BTBD9: variants seen among roughly 807,000 people sequenced by gnomAD.
The protein encoded by BTBD9 is BTB domain containing 9, also known as BTB/POZ domain-containing protein 9.
BTBD9 carries 49 observed loss-of-function variants against 64.3 expected under a neutral mutation model. That is an observed-to-expected ratio of 0.76 (90% CI 0.61 to 0.97). The LOEUF is 0.97. Ranked by LOEUF, BTBD9 falls within the 50% of genes least tolerant of loss-of-function variation. BTBD9 has a pLI of 0.00. For synonymous variants in BTBD9, 260 were observed against 274.7 expected (o/e 0.95, Z 0.53); for missense variants, 598 against 762.1 (o/e 0.78, Z 2.53).
chr6:38,185,451 G>T (rs901499443), intron 10 of BTBD9, among the ~76,000 whole-genome samples: 1 of 152,174 alleles, frequency 6.6e-6, no homozygotes, highest in African/African-American at 2.4e-5. Flanking sequence ...GCACATTGCC[G>T]TCTATTATGC....
At position 38,251,099 on chromosome 6, in the gene BTBD9, T is replaced by A. The variant is rs201221575; in HGVS notation, c.1562+5310A>T. ...TATGTCTCAGAAAAAAAAAAAATAA[T>A]AATAATAATAATAGAGGTTTAAGTA... On this transcript the variant is annotated intron_variant, in intron 9 of 10. Coordinates refer to ENST00000481247, the MANE Select transcript of BTBD9 (RefSeq NM_001099272.2). Among the ~76,000 whole-genome samples the A allele has an allele frequency of 1.1e-3, 165 of 150,364 alleles. 3 individuals are homozygous for A. The East Asian group carries it at 0.025, about 22-fold the overall frequency.
At chr6:38,588,401 C>T in intron 4 of BTBD9, 1 of 817,952 alleles carries the variant, frequency 1.2e-6, no homozygotes, top group Non-Finnish European at 2.1e-6. Flanking sequence ...CAACCTGGGG[C>T]CTATAGACCA....
intron 10 of BTBD9, among the ~76,000 whole-genome samples, chr6:38,180,212 G>A (rs910645645): frequency 5.3e-5 from 8 of 152,244 alleles, no homozygotes; most frequent in African/African-American, 1.9e-4. Context: ...GGGGGGGCCT[G>A]TGGGTGGTCC....
rs78004174 is a variant in BTBD9, at chr6:38,503,563, C to G, written c.1154+74037G>C. Among the ~76,000 whole-genome samples the G allele has an allele frequency of 7.9e-3, 1,198 of 152,204 alleles. 24 individuals carry two copies. Among genetic ancestry groups the G allele is most frequent in the African/African-American group, 0.028 (1,146 of 41,506 alleles). On this transcript the variant is annotated intron_variant, in intron 6 of 10. Coordinates refer to ENST00000481247, the MANE Select transcript of BTBD9 (RefSeq NM_001099272.2). ...GAGGAGGCAGCTGTCCTTGTTCCCC[C>G]CTACTACTCTCAAACCACTTCATCC... is the stretch of plus-strand genomic sequence containing the variant.
rs1352671926 is a variant in BTBD9 at position 38,535,231 on chromosome 6, A to G, written c.1154+42369T>C. On this transcript the variant is annotated intron_variant, in intron 6 of 10. Coordinates refer to ENST00000481247, the MANE Select transcript of BTBD9 (RefSeq NM_001099272.2). ...CTATACACCAATGGCAAACAATCTG[A>G]AAAAGAAAGTAATCCCATTTACAAC... Among the ~76,000 whole-genome samples, 3 of 152,160 alleles carry G rather than the reference A, an allele frequency of 2.0e-5. No homozygotes were observed. The East Asian group carries it at 5.8e-4, about 29-fold the overall frequency.
intron 7 of BTBD9, among the ~76,000 whole-genome samples, chr6:38,294,455 A>G (rs9349066): frequency 0.99 from 150,373 of 152,272 alleles, 74,258 homozygotes; most frequent in East Asian, 1. Context: ...CATATACACC[A>G]TGGAGTACTA....
chr6:38,336,660 G>T (rs941575771), intron 7 of BTBD9, among the ~76,000 whole-genome samples: 1 of 152,082 alleles, frequency 6.6e-6, no homozygotes, highest in African/African-American at 2.4e-5. Flanking sequence ...TTTGGATGGG[G>T]ATACCGCCAA....
intron 6 of BTBD9, among the ~76,000 whole-genome samples, chr6:38,472,380 TAA>T (rs1770689010): frequency 6.6e-6 from 1 of 152,126 alleles, no homozygotes; most frequent in African/African-American, 2.4e-5. Flanking sequence ...CATGAAACAA[TAA>T]GTTAGAAATA....
At chr6:38,491,448 G>A (rs1225377666) in intron 6 of BTBD9, among the ~76,000 whole-genome samples, 3 of 152,158 alleles carry the variant, frequency 2.0e-5, no homozygotes, top group Admixed American at 6.5e-5. Flanking sequence ...TTTTATTTAT[G>A]TGTATTTAAC....
intron 6 of BTBD9, among the ~76,000 whole-genome samples, chr6:38,410,249 T>C (rs1354335350): frequency 6.6e-6 from 1 of 151,874 alleles, no homozygotes; most frequent in Non-Finnish European, 1.5e-5. Flanking sequence ...GGCGGGAGGA[T>C]CACTTGAGTC....
chr6:38,316,896 G>A (rs897209682), intron 7 of BTBD9, among the ~76,000 whole-genome samples: 4 of 152,006 alleles, frequency 2.6e-5, no homozygotes, highest in African/African-American at 9.7e-5. Context: ...GAAATCCCTC[G>A]CCTTTTGTTT....
At chr6:38,259,263 T>C (rs1200984242) in intron 8 of BTBD9, among the ~76,000 whole-genome samples, 1 of 152,238 alleles carries the variant, frequency 6.6e-6, no homozygotes, top group African/African-American at 2.4e-5. Flanking sequence ...TAAAAGTAGC[T>C]TGTATTATTT....
In BTBD9 at chr6:38,199,020, C is replaced by T. The variant is rs572312055; in HGVS notation, c.1563-6423G>A. Among the ~76,000 whole-genome samples, 10 of 152,284 alleles carry T rather than the reference C, an allele frequency of 6.6e-5. No individual in the cohort carries two copies. The South Asian group carries it at 1.9e-3, about 28-fold the overall frequency. On this transcript the variant is annotated intron_variant, in intron 9 of 10. Coordinates refer to ENST00000481247, the MANE Select transcript of BTBD9 (RefSeq NM_001099272.2). ...TGTGCAGGGGGCTGAACCAGGAAGA[C>T]TGGTTGAAAGAAGGAAAAAGGAGCA...
chr6:38,297,106 G>A (rs181942391), intron 7 of BTBD9, among the ~76,000 whole-genome samples: 413 of 152,266 alleles, frequency 2.7e-3, no homozygotes, highest in South Asian at 3.9e-3. Context: ...GGTGGCTCAC[G>A]CCTGTAATCC....
At chr6:38,226,304 C>T (rs1582079278) in intron 9 of BTBD9, among the ~76,000 whole-genome samples, 1 of 152,196 alleles carries the variant, frequency 6.6e-6, no homozygotes, top group African/African-American at 2.4e-5. Flanking sequence ...AAGCAACTGT[C>T]TGTGGCCACC....
intron 6 of BTBD9, among the ~76,000 whole-genome samples, chr6:38,528,931 G>C (rs995593775): frequency 6.6e-6 from 1 of 152,304 alleles, no homozygotes; most frequent in Admixed American, 6.5e-5. Context: ...ACATTGTCTT[G>C]CAGCTTGGGT....
chr6:38,371,231 A>C (rs62397033), intron 6 of BTBD9, among the ~76,000 whole-genome samples: 4,680 of 152,272 alleles, frequency 0.031, 94 homozygotes, highest in Non-Finnish European at 0.045. Context: ...TGCCTGGGAC[A>C]ATTTACCACT....
chr6:38,237,448 G>C (rs1763815298), intron 9 of BTBD9, among the ~76,000 whole-genome samples: 1 of 152,224 alleles, frequency 6.6e-6, no homozygotes, highest in Non-Finnish European at 1.5e-5. Flanking sequence ...CAAGTCAGAT[G>C]CACCAAAGTA....
chr6:38,439,035 G>C (rs1768889978), intron 6 of BTBD9, among the ~76,000 whole-genome samples: 1 of 151,084 alleles, frequency 6.6e-6, no homozygotes, highest in South Asian at 2.1e-4. Context: ...ACAAGGAAGA[G>C]AGTATAGTAA....
Sources: allele counts gnomAD v4.1 joint callset (sites outside exome capture counted in the v4.1 genomes callset), GRCh38; gene constraint gnomAD v4.1.1; transcripts MANE v1.5; gene names NCBI Gene and HGNC (gene_info 2026-07-23, HGNC 2026-07-21).